The following LRRC49 variants were observed in gnomAD, a reference collection of about 807,000 sequenced individuals.
The protein encoded by LRRC49 is leucine-rich repeat-containing protein 49.
In LRRC49, 50 loss-of-function variants were observed where a neutral mutation model predicts 83.3. That is an observed-to-expected ratio of 0.60 (90% confidence interval 0.48 to 0.76). The LOEUF (loss-of-function observed/expected upper bound fraction) is 0.76. LRRC49 is among the 30% of genes least tolerant of loss of function. The probability of loss-of-function intolerance (pLI) is 0.00; values close to 1 mark genes in which losing one functional copy is unlikely to be tolerated. For missense variants in LRRC49, 704 were observed against 809.1 expected (o/e 0.87, Z 1.58); for synonymous variants, 286 against 283.3 (o/e 1.01, Z -0.10).
At chr15:70,956,360 C>T (rs1243991218) in intron 8 of LRRC49, among the ~76,000 whole-genome samples, 3 of 151,970 alleles carry the variant, frequency 2.0e-5, no homozygotes, top group Non-Finnish European at 4.4e-5. Context: ...GAGGAGACTA[C>T]TAGGGGAAGA....
intron 15 of LRRC49, among the ~76,000 whole-genome samples, chr15:71,042,909 A>G (rs1287117182): frequency 1.3e-5 from 2 of 152,322 alleles, no homozygotes; most frequent in East Asian, 3.9e-4. Flanking sequence ...TCTAGAATGG[A>G]GTCCTAATTC....
intron 6 of LRRC49, chr15:70,918,754 C>A (rs543530116): frequency 4.1e-6 from 1 of 243,476 alleles, no homozygotes; most frequent in Non-Finnish European, 7.9e-6. Flanking sequence ...CTTCACAGAA[C>A]CTGGGACAGA....
At chr15:70,906,553 C>T (rs1432883411) in intron 5 of LRRC49, among the ~76,000 whole-genome samples, 1 of 152,238 alleles carries the variant, frequency 6.6e-6, no homozygotes, top group Admixed American at 6.5e-5. Flanking sequence ...TATTTAAGCA[C>T]TGCTCCTGGT....
chr15:70,901,002 T>G lies in LRRC49; in HGVS notation c.274T>G (p.Ser92Ala), dbSNP rs2034051665. Reference sequence around the variant, plus strand: ...TTCTTCTGAAGAGAAAATTCTTTACTCAGACAGGTTGAGCCTAGAAAGGTG... The same window carrying G: ...TTCTTCTGAAGAGAAAATTCTTTACGCAGACAGGTTGAGCCTAGAAAGGTG... ...QRSSEEKILYSDRLSLERQKL... is the reference protein window; with the variant it reads ...QRSSEEKILYADRLSLERQKL... The change falls in exon 4 of 16, where the codon TCA (serine) becomes GCA (alanine). Residue 92 changes from serine (S) to alanine (A), a missense_variant. Transcript: ENST00000260382. 3 of 1,608,932 alleles carry G rather than the reference T, an allele frequency of 1.9e-6. No homozygotes were observed. The highest frequency in any genetic ancestry group is 2.5e-6 in the Non-Finnish European group (3 of 1,176,730).
At chr15:70,892,733 G>A, upstream of LRRC49, 1 of 1,511,118 alleles carries the variant, frequency 6.6e-7, no homozygotes. Context: ...CAACGACTGT[G>A]TGGCTCTATC....
At chr15:70,890,460 A>G (rs1253613231), upstream of LRRC49, among the ~76,000 whole-genome samples, 3 of 152,336 alleles carry the variant, frequency 2.0e-5, no homozygotes, top group South Asian at 2.1e-4. Flanking sequence ...TGAATTACTT[A>G]AATTTGTAAA....
intron 7 of LRRC49, 150 bp downstream of exon 7, chr15:70,919,343 G>C: frequency 1.4e-6 from 1 of 690,034 alleles, no homozygotes; most frequent in South Asian, 2.4e-5. Flanking sequence ...ATTAAGCTCT[G>C]TAATATGTTG....
chr15:70,914,202 C>T (rs998218165), intron 6 of LRRC49, among the ~76,000 whole-genome samples: 5 of 152,002 alleles, frequency 3.3e-5, no homozygotes, highest in African/African-American at 7.2e-5. Flanking sequence ...AAGATACAGT[C>T]TTAGTTACCT....
intron 14 of LRRC49, among the ~76,000 whole-genome samples, chr15:71,030,535 T>C (rs1189734843): frequency 6.6e-6 from 1 of 152,198 alleles, no homozygotes; most frequent in African/African-American, 2.4e-5. Flanking sequence ...TGGTGTTCTC[T>C]GTATTTCCTG....
intron 6 of LRRC49, 125 bp downstream of exon 6, chr15:70,911,723 C>A: frequency 1.6e-6 from 1 of 608,276 alleles, no homozygotes; most frequent in Non-Finnish European, 2.9e-6. Flanking sequence ...ACTGAAATTT[C>A]TAAGGTATCA....
At chr15:70,971,185 T>C (rs1364631486) in intron 9 of LRRC49, among the ~76,000 whole-genome samples, 2 of 152,150 alleles carry the variant, frequency 1.3e-5, no homozygotes, top group Non-Finnish European at 2.9e-5. Flanking sequence ...TTGTGTCTTT[T>C]TTCTCATTGG....
chr15:70,922,887 C>T lies in LRRC49; in HGVS notation c.711+3694C>T, dbSNP rs1454968047. ...AAAAACCTGAAACATTTCAGATATC[C>T]CCAAAATAATAGGAACTAATATTAC... On this transcript the variant is annotated intron_variant, in intron 7 of 15. Transcript: ENST00000260382. Among the ~76,000 whole-genome samples the T allele has an allele frequency of 4.6e-5, 7 of 151,476 alleles. No homozygotes were observed. The East Asian group carries it at 1.2e-3, about 25-fold the overall frequency.
upstream of LRRC49, chr15:70,892,523 A>C: frequency 2.0e-6 from 3 of 1,519,258 alleles, no homozygotes; most frequent in Non-Finnish European, 2.6e-6. Flanking sequence ...GCAGAGGGAT[A>C]CAAATTTCGC....
At chr15:70,909,194 G>C (rs1381599133) in intron 5 of LRRC49, among the ~76,000 whole-genome samples, 2 of 152,126 alleles carry the variant, frequency 1.3e-5, no homozygotes, top group East Asian at 3.9e-4. Context: ...AATTTTCAAG[G>C]TGTTAAAAAT....
rs1451292651 is a variant in LRRC49, at chr15:70,866,429, G to A, written c.-298-6479G>A. On this transcript the variant is annotated intron_variant, in intron 1 of 16. Transcript: ENST00000544974. ...CCAATTGCCGGGATTACAGGCGTGA[G>A]CGACCACGTCCGGCCACTAAGACAT... 2.4e-4 allele frequency among the ~76,000 whole-genome samples: 37 copies of A among 152,140 alleles called. 1 individual carries two copies. The highest frequency in any genetic ancestry group is 2.4e-3 in the Admixed American group (36 of 15,276).
At position 70,919,204 on chromosome 15, in the gene LRRC49, A is replaced by G; in HGVS notation, c.711+11A>G. ...CAAATCACTTTCGTGGTGAGTATTA[A>G]AATGGAGTTGATATGTACTTTGTGG... On this transcript the variant is annotated intron_variant, in intron 7 of 15. Coordinates refer to ENST00000260382, the MANE Select transcript of LRRC49 (RefSeq NM_017691.5). The G allele has an allele frequency of 1.2e-6, 2 of 1,605,070 alleles. No individual in the cohort carries two copies. The highest frequency in any genetic ancestry group is 1.7e-6 in the Non-Finnish European group (2 of 1,176,314).
intron 6 of LRRC49, among the ~76,000 whole-genome samples, chr15:70,913,000 C>T (rs2034614139): frequency 6.6e-6 from 1 of 152,114 alleles, no homozygotes; most frequent in Non-Finnish European, 1.5e-5. Context: ...TTTATGTTCC[C>T]TCTCTTTATT....
rs572782763 is a variant in LRRC49, at chr15:71,029,714, C to T, written c.1704-7465C>T. 1.4e-3 allele frequency among the ~76,000 whole-genome samples: 207 copies of T among 152,136 alleles called. 1 individual carries two copies. The highest frequency in any genetic ancestry group is 4.5e-3 in the African/African-American group (185 of 41,524). On this transcript the variant is annotated intron_variant, in intron 14 of 15. Coordinates refer to ENST00000260382, the MANE Select transcript of LRRC49 (RefSeq NM_017691.5). The stretch of plus-strand genomic sequence containing the variant: ...TGAATCTGGGTGCTCCCGTATTAGA[C>T]GCATATATATTTAGGATAGTTAGCT...
rs148382854 is a variant in LRRC49, at chr15:70,991,751, T to C, written c.1169+7494T>C. Among the ~76,000 whole-genome samples, 1,276 of 152,354 alleles carry C rather than the reference T, an allele frequency of 8.4e-3. 23 individuals carry two copies. The highest frequency in any genetic ancestry group is 0.029 in the African/African-American group (1,222 of 41,580). ...TTTAATTTGATGAAGCATATGTGTC[T>C]TATTACCTTAACTAAACTCTGAAAC... On this transcript the variant is annotated intron_variant, in intron 11 of 15. Transcript: ENST00000260382.
Sources: gnomAD v4.1 joint callset for allele counts (sites outside exome capture counted in the v4.1 genomes callset) on GRCh38, gnomAD v4.1.1 for gene constraint, MANE v1.5 for transcripts, NCBI Gene and HGNC (gene_info 2026-07-23, HGNC 2026-07-21) for gene names.